Variants in KIAA1755 observed in about 807,000 individuals in gnomAD.
The protein encoded by KIAA1755 is KIAA1755.
KIAA1755 carries 68 observed loss-of-function variants against 91.7 expected under a neutral mutation model. The ratio of observed to expected loss-of-function variants is 0.74; its 90% CI spans 0.61 to 0.91. The LOEUF (loss-of-function observed/expected upper bound fraction) is 0.91. KIAA1755 is among the 40% of genes least tolerant of loss of function. The pLI, the probability that KIAA1755 is intolerant of heterozygous loss-of-function variation, is 0.00. For missense variants in KIAA1755, 1,535 were observed against 1,494.4 expected (o/e 1.03, Z -0.45); for synonymous variants, 610 against 604.6 (o/e 1.01, Z -0.13).
intron 1 of KIAA1755, among the ~76,000 whole-genome samples, chr20:38,246,544 C>T (rs2076164222): frequency 6.6e-6 from 1 of 152,226 alleles, no homozygotes; most frequent in Non-Finnish European, 1.5e-5. Flanking sequence ...TGCAGGCCTG[C>T]AGCCTGAAGC....
Position 38,213,410 on chromosome 20 carries a change from C to T in KIAA1755, c.3235G>A (p.Gly1079Ser). ...TTGGAAGTGACCTCTACACTCACACCCTGGCCCTTGGCTGCCACCCCTCTT... is the reference window on the plus strand; with the variant it reads ...TTGGAAGTGACCTCTACACTCACACTCTGGCCCTTGGCTGCCACCCCTCTT... ...ERRGVAAKGQ[G>S]VSVEVTSKGR... Residue 1079 changes from glycine (G) to serine (S), a missense_variant, in exon 14 of 14, where the codon GGT becomes AGT. Physicochemically the swap from Gly to Ser is moderately conservative, Grantham distance 56. Coordinates refer to ENST00000279024, the MANE Select transcript of KIAA1755 (RefSeq NM_001029864.2). 6.2e-7 allele frequency: 1 copy of T among 1,600,304 alleles called. No individual in the cohort carries two copies. The highest frequency in any genetic ancestry group is 1.1e-5 in the South Asian group (1 of 89,028).
At chr20:38,257,430 A>G (rs1388407118) in intron 1 of KIAA1755, among the ~76,000 whole-genome samples, 1 of 151,986 alleles carries the variant, frequency 6.6e-6, no homozygotes, top group East Asian at 1.9e-4. Context: ...AAAATGCAAA[A>G]ATTAGCTGGG....
chr20:38,231,411 G>GT (rs1266956543), intron 4 of KIAA1755, 86 bp from the exon 5 acceptor site: 21 of 1,393,428 alleles, frequency 1.5e-5, no homozygotes, highest in South Asian at 3.0e-5. Flanking sequence ...ACCTTTGGCC[G>GT]TAACGGTTCC....
rs2076038051 is a variant in KIAA1755 at position 38,240,591 on chromosome 20, A to G, written c.1540T>C (p.Leu514=). The change falls in exon 3 of 14, where the codon TTG becomes CTG. Residue 514 remains leucine (L), a synonymous_variant. Coordinates refer to ENST00000279024, the MANE Select transcript of KIAA1755 (RefSeq NM_001029864.2). Reference sequence around the variant, plus strand: ...CATGTGGGCATCTTACCTTTCCCCAAAGATTTGGCTCGGTTGGGTTTAGGA... The same window carrying G: ...CATGTGGGCATCTTACCTTTCCCCAGAGATTTGGCTCGGTTGGGTTTAGGA... ...YSPKPNRAKS[L]GKAGTTQTKT... 3.4e-6 allele frequency: 5 copies of G among 1,486,602 alleles called. No homozygotes were observed. Among genetic ancestry groups the G allele is most frequent in the Admixed American group, 2.4e-5 (1 of 41,434 alleles). 92.1% of individuals were successfully genotyped at this position (1,486,602 alleles called of 1,614,324 possible).
chr20:38,231,920 C>A (rs1399941995), intron 4 of KIAA1755, among the ~76,000 whole-genome samples: 2 of 152,202 alleles, frequency 1.3e-5, no homozygotes, highest in Non-Finnish European at 2.9e-5. Context: ...GACTTTCAAC[C>A]CTGGGTTTCC....
chr20:38,254,478 G>C (rs950801862), intron 1 of KIAA1755, among the ~76,000 whole-genome samples: 10 of 152,108 alleles, frequency 6.6e-5, no homozygotes, highest in African/African-American at 2.2e-4. Context: ...TCCAGTAGGG[G>C]CATTCTAGAA....
At chr20:38,214,973 C>T (rs1278593698) in intron 13 of KIAA1755, among the ~76,000 whole-genome samples, 1 of 152,220 alleles carries the variant, frequency 6.6e-6, no homozygotes, top group African/African-American at 2.4e-5. Context: ...GCACACGGAG[C>T]TCATGGCCGG....
At chr20:38,250,873 G>A (rs1326188438) in intron 1 of KIAA1755, among the ~76,000 whole-genome samples, 1 of 152,030 alleles carries the variant, frequency 6.6e-6, no homozygotes, top group East Asian at 1.9e-4. Flanking sequence ...GGGGGCAAGG[G>A]CAAGAAGAAG....
chr20:38,239,038 C>T (rs1196241511), intron 4 of KIAA1755, among the ~76,000 whole-genome samples: 2 of 152,226 alleles, frequency 1.3e-5, no homozygotes, highest in Admixed American at 6.5e-5. Flanking sequence ...GATCAGCCCA[C>T]AGTTAATGAC....
chr20:38,232,827 T>C (rs1174333956), intron 4 of KIAA1755, among the ~76,000 whole-genome samples: 1 of 151,760 alleles, frequency 6.6e-6, no homozygotes, highest in East Asian at 2.0e-4. Flanking sequence ...CTTTTTCATT[T>C]TGTTAGGGGG....
intron 1 of KIAA1755, among the ~76,000 whole-genome samples, chr20:38,250,514 G>GTC (rs1360468156): frequency 1.2e-3 from 166 of 141,774 alleles, no homozygotes; most frequent in African/African-American, 4.1e-3. Context: ...GTGTGTGTCT[G>GTC]TGTGTGTGTG....
At chr20:38,220,980 C>T (rs1337731769) in intron 10 of KIAA1755, among the ~76,000 whole-genome samples, 1 of 152,232 alleles carries the variant, frequency 6.6e-6, no homozygotes, top group Non-Finnish European at 1.5e-5. Flanking sequence ...GAGGAATCTC[C>T]AACCCTGCTC....
intron 1 of KIAA1755, among the ~76,000 whole-genome samples, chr20:38,248,213 A>G (rs1168950550): frequency 6.6e-6 from 1 of 152,198 alleles, no homozygotes; most frequent in African/African-American, 2.4e-5. Context: ...TAGGCGACAG[A>G]GCAATAATAA....
At chr20:38,237,876 C>T (rs1408782040) in intron 4 of KIAA1755, among the ~76,000 whole-genome samples, 1 of 152,008 alleles carries the variant, frequency 6.6e-6, no homozygotes, top group African/African-American at 2.4e-5. Flanking sequence ...TAGAGAAGAG[C>T]AGGACAAAAA....
At chr20:38,256,281 C>T (rs969576755) in intron 1 of KIAA1755, among the ~76,000 whole-genome samples, 1 of 152,182 alleles carries the variant, frequency 6.6e-6, no homozygotes, top group Non-Finnish European at 1.5e-5. Context: ...ATTGCCTTAG[C>T]AACTCACTGG....
Position 38,245,930 on chromosome 20 carries a change from C to T in KIAA1755, c.200G>A (p.Cys67Tyr), listed in dbSNP as rs1407234416. ...GTCCCTGTTTCCCTCTTGACTTACACAGGCTGCTTCTCGCACTTGCTCACA... is the reference window on the plus strand; with the variant it reads ...GTCCCTGTTTCCCTCTTGACTTACATAGGCTGCTTCTCGCACTTGCTCACA... ...RLCEQVREAA[C>Y]APYSHCLFLH... The change falls in exon 2 of 14, where the codon TGT (cysteine) becomes TAT (tyrosine). Residue 67 changes from cysteine (C) to tyrosine (Y), a missense_variant and splice_region_variant. By Grantham distance (194) the Cys-to-Tyr change is radical (BLOSUM62 -2). Coordinates refer to ENST00000279024, the MANE Select transcript of KIAA1755 (RefSeq NM_001029864.2). The T allele has an allele frequency of 1.9e-6, 3 of 1,613,968 alleles. No individual in the cohort carries two copies. Among genetic ancestry groups the T allele is most frequent in the African/African-American group, 2.7e-5 (2 of 74,910 alleles).
chr20:38,218,554 T>C (rs1052861032), intron 11 of KIAA1755, among the ~76,000 whole-genome samples, 188 bp from the exon 12 acceptor site: 2 of 151,406 alleles, frequency 1.3e-5, no homozygotes, highest in African/African-American at 2.4e-5. Flanking sequence ...GGAGGGGGAG[T>C]GTGTGGTCAT....
intron 9 of KIAA1755, 52 bp downstream of exon 9, chr20:38,223,486 A>G (rs2123105394): frequency 7.6e-7 from 1 of 1,315,136 alleles, no homozygotes; most frequent in Non-Finnish European, 1.0e-6. Flanking sequence ...CCCTTGGTCC[A>G]TGGGGTCTGG....
chr20:38,239,544 C>T lies in KIAA1755; in HGVS notation c.1731G>A (p.Arg577=), dbSNP rs2076015826. ...CCCTGGAACCTGGCAGGCATGCTATCCTGGAGCGGAAAACCTTGACACCTA... is the reference window on the plus strand; with the variant it reads ...CCCTGGAACCTGGCAGGCATGCTATTCTGGAGCGGAAAACCTTGACACCTA... ...GALGVKVFRS[R]IACLPGGRDR... is the part of the protein sequence containing the mutation. Residue 577 remains arginine (R), a synonymous_variant, in exon 4 of 14, where the codon AGG becomes AGA. Transcript: ENST00000279024. 1.2e-6 allele frequency: 2 copies of T among 1,613,780 alleles called. No homozygotes were observed. The highest frequency in any genetic ancestry group is 1.3e-5 in the African/African-American group (1 of 74,924).
Sources: allele counts gnomAD v4.1 joint callset (sites outside exome capture counted in the v4.1 genomes callset), GRCh38; gene constraint gnomAD v4.1.1; transcripts MANE v1.5; gene names NCBI Gene and HGNC (gene_info 2026-07-23, HGNC 2026-07-21).